Variants in CERS6 observed in about 807,000 individuals in gnomAD.
The protein encoded by CERS6 is ceramide synthase 6, also known as LAG1 homolog, ceramide synthase 6.
In CERS6, 26 loss-of-function variants were observed where a neutral mutation model predicts 56.8. The observed-to-expected ratio is 0.46, with a 90% confidence interval of 0.34 to 0.63. The LOEUF is 0.63. Ranked by LOEUF, CERS6 falls within the 30% of genes least tolerant of loss-of-function variation. CERS6 has a pLI of 0.01. For missense variants in CERS6, 415 were observed against 467.5 expected, an observed-to-expected ratio of 0.89 and a Z score of 1.04; for synonymous variants, 164 against 173.3, an observed-to-expected ratio of 0.95 and a Z score of 0.42.
chr2:168,480,874 T>A (rs993015321), intron 1 of CERS6, among the ~76,000 whole-genome samples: 11 of 152,084 alleles, frequency 7.2e-5, no homozygotes, highest in Admixed American at 5.2e-4. Context: ...CAAGCCAGAG[T>A]CTGTTGAGGA....
chr2:168,525,199 G>T (rs1695049780), intron 1 of CERS6, among the ~76,000 whole-genome samples: 1 of 152,222 alleles, frequency 6.6e-6, no homozygotes, highest in Non-Finnish European at 1.5e-5. Context: ...TGGTTCTCAA[G>T]CTTCAGCATG....
At chr2:168,756,799 C>T (rs1354020252) in intron 8 of CERS6, among the ~76,000 whole-genome samples, 1 of 152,102 alleles carries the variant, frequency 6.6e-6, no homozygotes, top group Admixed American at 6.5e-5. Flanking sequence ...GTCTCAGTGT[C>T]CCCCACCAAC....
intron 3 of CERS6, among the ~76,000 whole-genome samples, chr2:168,622,682 A>G (rs960846542): frequency 6.6e-6 from 1 of 152,224 alleles, no homozygotes; most frequent in African/African-American, 2.4e-5. Context: ...CTTTGCATTG[A>G]TAATTCTGTT....
At chr2:168,672,521 A>G (rs1685947393) in intron 4 of CERS6, among the ~76,000 whole-genome samples, 1 of 152,218 alleles carries the variant, frequency 6.6e-6, no homozygotes, top group African/African-American at 2.4e-5. Flanking sequence ...GCCTAATTCT[A>G]CTTAGTGTGT....
At chr2:168,582,286 G>C (rs192176183) in intron 3 of CERS6, among the ~76,000 whole-genome samples, 22 of 152,206 alleles carry the variant, frequency 1.4e-4, no homozygotes, top group African/African-American at 5.3e-4. Flanking sequence ...TCCTCCAGGG[G>C]CTGCCAAAAC....
chr2:168,479,110 C>T (rs1414085514), intron 1 of CERS6, among the ~76,000 whole-genome samples: 1 of 152,100 alleles, frequency 6.6e-6, no homozygotes, highest in African/African-American at 2.4e-5. Flanking sequence ...AGTGCTACCT[C>T]GATCATATTC....
chr2:168,566,391 T>C (rs952789431), intron 3 of CERS6, among the ~76,000 whole-genome samples: 15 of 152,212 alleles, frequency 9.9e-5, no homozygotes, highest in African/African-American at 3.4e-4. Flanking sequence ...CTGCCATATT[T>C]GTATGCTTCT....
intron 1 of CERS6, among the ~76,000 whole-genome samples, chr2:168,466,282 A>C (rs924401581): frequency 6.6e-6 from 1 of 152,208 alleles, no homozygotes; most frequent in African/African-American, 2.4e-5. Flanking sequence ...CACATTGCAT[A>C]GTTTCGGAGG....
At chr2:168,631,976 T>G (rs60928524) in intron 4 of CERS6, among the ~76,000 whole-genome samples, 2,465 of 149,892 alleles carry the variant, frequency 0.016, 68 homozygotes, top group African/African-American at 0.056. Context: ...GAAAATTTCA[T>G]TTCTTTCATA....
intron 1 of CERS6, among the ~76,000 whole-genome samples, chr2:168,492,357 T>G (rs1694389588): frequency 6.6e-6 from 1 of 152,220 alleles, no homozygotes; most frequent in South Asian, 2.1e-4. Flanking sequence ...GATTTGCATT[T>G]CTCTAATGAC....
At position 168,734,145 on chromosome 2, in the gene CERS6, G is replaced by A. The variant is rs114413725; in HGVS notation, c.845+16167G>A. Among the ~76,000 whole-genome samples, 729 of 152,254 alleles carry A rather than the reference G, an allele frequency of 4.8e-3. 4 individuals carry two copies. Among genetic ancestry groups the A allele is most frequent in the African/African-American group, 0.017 (699 of 41,558 alleles). ...GGTGACCTTCTAGTTCAAAAAAAAT[G>A]TATAGAATTATCCATGCAAGGGATT... On this transcript the variant is annotated intron_variant, in intron 8 of 9. Transcript: ENST00000305747.
rs201651707 is a variant in CERS6 at position 168,717,828 on chromosome 2, A to G, written c.739-44A>G. 295 of 1,432,700 alleles carry G rather than the reference A, an allele frequency of 2.1e-4. No homozygotes were observed. The African/African-American group carries it at 3.9e-3, about 19-fold the overall frequency. 88.7% of individuals were successfully genotyped at this position (1,432,700 alleles called of 1,614,324 possible). A position where few individuals can be genotyped will look rare whatever the true frequency, so the allele number is the denominator to read the frequency against. ...TGCATATTGAAAGAAACTTTTTATT[A>G]TCAGTTTAACTACATTAATATATCA... On this transcript the variant is annotated intron_variant, in intron 7 of 9. Coordinates refer to ENST00000305747, the MANE Select transcript of CERS6 (RefSeq NM_203463.3).
At chr2:168,481,131 G>A (rs549942697) in intron 1 of CERS6, among the ~76,000 whole-genome samples, 140 of 152,194 alleles carry the variant, frequency 9.2e-4, no homozygotes, top group South Asian at 3.7e-3. Context: ...AGTTGGCCAG[G>A]CTGGCCGGGC....
intron 4 of CERS6, among the ~76,000 whole-genome samples, chr2:168,647,112 T>C (rs904253549): frequency 6.6e-6 from 1 of 152,190 alleles, no homozygotes; most frequent in Non-Finnish European, 1.5e-5. Flanking sequence ...AACCGGTAAA[T>C]TGATTTGGGC....
chr2:168,664,271 T>G (rs1478199946), intron 4 of CERS6, among the ~76,000 whole-genome samples: 3 of 152,188 alleles, frequency 2.0e-5, no homozygotes, highest in African/African-American at 7.2e-5. Context: ...AGGAGGCCCT[T>G]CCTTATCTCT....
At chr2:168,763,224 TTC>T (rs1311400215) in intron 8 of CERS6, among the ~76,000 whole-genome samples, 1 of 145,596 alleles carries the variant, frequency 6.9e-6, no homozygotes, top group Admixed American at 7.1e-5. Context: ...CAATAATTGT[TTC>T]TCTCTCTCTC....
chr2:168,683,727 T>C (rs1348281563), intron 4 of CERS6, among the ~76,000 whole-genome samples: 1 of 152,200 alleles, frequency 6.6e-6, no homozygotes, highest in East Asian at 1.9e-4. Flanking sequence ...TCTTTTACTT[T>C]GCAGTGATTC....
chr2:168,497,409 G>C (rs1464885354), intron 1 of CERS6, among the ~76,000 whole-genome samples: 2 of 151,950 alleles, frequency 1.3e-5, no homozygotes, highest in African/African-American at 4.8e-5. Context: ...GGGAGAGAAA[G>C]AAGGAAAGAA....
At chr2:168,530,950 A>G (rs1394336598) in intron 1 of CERS6, among the ~76,000 whole-genome samples, 2 of 152,218 alleles carry the variant, frequency 1.3e-5, no homozygotes, top group Non-Finnish European at 2.9e-5. Flanking sequence ...AGCCTTTGCC[A>G]ATGGTTATTT....
Sources: gnomAD v4.1 joint callset for allele counts (sites outside exome capture counted in the v4.1 genomes callset) on GRCh38, gnomAD v4.1.1 for gene constraint, MANE v1.5 for transcripts, NCBI Gene and HGNC (gene_info 2026-07-23, HGNC 2026-07-21) for gene names.